KIF13B: variants seen among roughly 807,000 people sequenced by gnomAD.
KIF13B encodes kinesin-like protein KIF13B.
A neutral mutation model predicts 222.0 loss-of-function variants in KIF13B; 127 were observed. The ratio of observed to expected loss-of-function variants is 0.57; its 90% CI spans 0.50 to 0.66. The LOEUF (loss-of-function observed/expected upper bound fraction) is 0.66. KIF13B is among the 30% of genes least tolerant of loss of function. KIF13B has a pLI of 0.00. For synonymous variants in KIF13B, 976 were observed against 919.0 expected, an observed-to-expected ratio of 1.06 and a Z score of -1.12; for missense variants, 2,173 against 2,379.0, an observed-to-expected ratio of 0.91 and a Z score of 1.80.
chr8:29,217,346 G>A (rs981392348), intron 2 of KIF13B, among the ~76,000 whole-genome samples: 45 of 152,184 alleles, frequency 3.0e-4, no homozygotes, highest in Non-Finnish European at 5.3e-4. Flanking sequence ...GGCGAAGACT[G>A]GGCTCAGGAA....
rs771520619 is a variant in KIF13B, at chr8:29,167,390, G to C, written c.1141C>G (p.Gln381Glu). Residue 381 changes from glutamine (Q) to glutamate (E), a missense_variant, in exon 11 of 40, where the codon CAG (glutamine) becomes GAG (glutamate). By Grantham distance (29) the Gln-to-Glu change is conservative. Coordinates refer to ENST00000524189, the MANE Select transcript of KIF13B (RefSeq NM_015254.4). ...LREEVEKLRE[Q>E]LTKAEAMKSP... The stretch of plus-strand genomic sequence containing the variant: ...CCTCCTACCTCTGCTTTGGTCAGCT[G>C]CTCCCGGAGTTTCTCAACTTCTTCC... 4 of 1,612,544 alleles carry C rather than the reference G, an allele frequency of 2.5e-6. No individual in the cohort carries two copies. Among genetic ancestry groups the C allele is most frequent in the Non-Finnish European group, 2.5e-6 (3 of 1,179,692 alleles).
Position 29,136,051 on chromosome 8 carries a change from G to A in KIF13B, c.2614-1841C>T, listed in dbSNP as rs1343293696. Among the ~76,000 whole-genome samples the A allele has an allele frequency of 3.3e-5, 5 of 152,264 alleles. No homozygotes were observed. In the East Asian group the frequency reaches 9.7e-4, roughly 29 times the overall value. ...CATCTTTTCTGTGATGTCAACAGAA[G>A]TTTGAAACACCTAGATAGCTACTTC... On this transcript the variant is annotated intron_variant, in intron 21 of 39. Transcript: ENST00000524189.
intron 31 of KIF13B, among the ~76,000 whole-genome samples, chr8:29,114,520 T>C (rs1809506670): frequency 6.6e-6 from 1 of 152,192 alleles, no homozygotes; most frequent in Non-Finnish European, 1.5e-5. Context: ...TGAAGGGAGA[T>C]GTAGATGCTA....
At chr8:29,075,923 C>T (rs1039166623) in intron 37 of KIF13B, among the ~76,000 whole-genome samples, 1 of 152,130 alleles carries the variant, frequency 6.6e-6, no homozygotes, top group Admixed American at 6.5e-5. Flanking sequence ...AGACACTGTC[C>T]GGGTGGGGAC....
chr8:29,197,443 AC>A (rs1444448847), intron 2 of KIF13B, among the ~76,000 whole-genome samples: 1 of 151,618 alleles, frequency 6.6e-6, no homozygotes. Flanking sequence ...ATGCCCATAG[AC>A]CTTTCCTGCC....
chr8:29,246,963 A>C (rs1159214596), intron 1 of KIF13B, among the ~76,000 whole-genome samples: 5 of 152,238 alleles, frequency 3.3e-5, no homozygotes, highest in Admixed American at 3.3e-4. Context: ...CAAAGGGCTA[A>C]ATGTAAAAAC....
At chr8:29,262,919 G>A in intron 1 of KIF13B, 61 bp downstream of exon 1, 1 of 1,421,586 alleles carries the variant, frequency 7.0e-7, no homozygotes, top group South Asian at 1.3e-5. Context: ...GCGGCCGAGG[G>A]AAGGGCGCGC....
intron 36 of KIF13B, among the ~76,000 whole-genome samples, chr8:29,095,899 A>C (rs1808499517): frequency 6.6e-6 from 1 of 151,952 alleles, no homozygotes; most frequent in South Asian, 2.1e-4. Context: ...ACAAAACAAA[A>C]CGAAACAAAA....
intron 37 of KIF13B, among the ~76,000 whole-genome samples, chr8:29,082,945 G>A (rs1386483662): frequency 1.3e-5 from 2 of 152,128 alleles, no homozygotes; most frequent in Non-Finnish European, 2.9e-5. Context: ...TGTGACATAG[G>A]GAGACCCCGT....
In KIF13B at chr8:29,140,541, T is replaced by C. The variant is rs200010537; in HGVS notation, c.2411A>G (p.Asn804Ser). Residue 804 changes from asparagine (N) to serine (S), a missense_variant, in exon 20 of 40, where the codon AAT becomes AGT. This residue lies in a region of KIF13B where 1,480 missense variants were observed against 1,722.8 expected (regional missense o/e 0.86). Transcript: ENST00000524189. Reference protein sequence around the residue: ...QENHSLIGVANVFLESLFYDV... With the variant: ...QENHSLIGVASVFLESLFYDV... ...ATAGAAAAGTGACTCGAGGAAGACA[T>C]TGGCCACCCCAATGAGACTGTGATT... The C allele has an allele frequency of 1.5e-4, 247 of 1,613,748 alleles. 1 individual carries two copies. Among genetic ancestry groups the C allele is most frequent in the African/African-American group, 8.5e-4 (64 of 74,912 alleles).
intron 13 of KIF13B, 74 bp downstream of exon 13, chr8:29,160,654 TTCCCC>T (rs1393001731): frequency 7.5e-7 from 1 of 1,328,488 alleles, no homozygotes; most frequent in African/African-American, 1.5e-5. Flanking sequence ...GTAAGCATGG[TTCCCC>T]AAGTTTACTA....
intron 1 of KIF13B, among the ~76,000 whole-genome samples, chr8:29,250,979 C>T (rs1157272390): frequency 6.6e-6 from 1 of 151,978 alleles, no homozygotes; most frequent in African/African-American, 2.4e-5. Flanking sequence ...GGTGAAACCC[C>T]ATCTCTACAA....
intron 24 of KIF13B, among the ~76,000 whole-genome samples, chr8:29,129,454 CATCATCCTCCTCTTAA>C (rs1410611568): frequency 1.3e-5 from 2 of 152,176 alleles, no homozygotes; most frequent in Non-Finnish European, 2.9e-5. Context: ...AAGTGTTTAT[CATCATCCTCCTCTTAA>C]AACATTCAGA....
At chr8:29,166,931 G>T (rs987887715) in intron 11 of KIF13B, among the ~76,000 whole-genome samples, 15 of 152,206 alleles carry the variant, frequency 9.9e-5, no homozygotes, top group African/African-American at 3.6e-4. Context: ...CCACAACATG[G>T]AAAAGCTAGA....
At chr8:29,091,746 G>A (rs148607250) in intron 37 of KIF13B, among the ~76,000 whole-genome samples, 156 of 152,280 alleles carry the variant, frequency 1.0e-3, no homozygotes, top group African/African-American at 3.7e-3. Flanking sequence ...ACAGGACTTG[G>A]CTCCTGCAGT....
rs149048118 is a variant in KIF13B at position 29,085,122 on chromosome 8, C to G, written c.4458+7623G>C. 2.7e-3 allele frequency among the ~76,000 whole-genome samples: 414 copies of G among 152,324 alleles called. 1 individual carries two copies. The highest frequency in any genetic ancestry group is 9.5e-3 in the African/African-American group (393 of 41,546). On this transcript the variant is annotated intron_variant, in intron 37 of 39. Transcript: ENST00000524189. ...TGTCTTACAAAAAAAGATCCAGGAA[C>G]CTTTCCGTTTCCATTTGATAAACAA...
chr8:29,140,700 AG>A, intron 19 of KIF13B, 83 bp from the exon 20 acceptor site: 1 of 1,225,050 alleles, frequency 8.2e-7, no homozygotes, highest in African/African-American at 1.5e-5. Context: ...GATGCACTCT[AG>A]GTTATTAAAC....
At chr8:29,097,415 C>T (rs1808582953) in intron 36 of KIF13B, among the ~76,000 whole-genome samples, 2 of 152,212 alleles carry the variant, frequency 1.3e-5, no homozygotes, top group Admixed American at 1.3e-4. Context: ...AATGCCCTCT[C>T]AAGAACTGAT....
intron 14 of KIF13B, among the ~76,000 whole-genome samples, chr8:29,153,936 G>T (rs1337915383): frequency 6.6e-6 from 1 of 152,156 alleles, no homozygotes; most frequent in Non-Finnish European, 1.5e-5. Context: ...TATAGTATTC[G>T]TGATTTATGT....
Sources: allele counts gnomAD v4.1 joint callset (sites outside exome capture counted in the v4.1 genomes callset), GRCh38; gene constraint gnomAD v4.1.1; regional missense constraint gnomAD v4.1.1; transcripts MANE v1.5; gene names NCBI Gene and HGNC (gene_info 2026-07-23, HGNC 2026-07-21).